The following TNR variants were observed in gnomAD, a reference collection of about 807,000 sequenced individuals.
TNR encodes tenascin-R.
Under a neutral mutation model 150.4 loss-of-function variants are expected in TNR, and 45 were observed. The observed-to-expected ratio is 0.30, with a 90% CI of 0.24 to 0.38. The LOEUF (loss-of-function observed/expected upper bound fraction) is 0.38, where lower values mean the gene tolerates loss of function less well. Among genes scored for constraint, TNR ranks in the 10% least tolerant of loss-of-function variants. The pLI, the probability that TNR is intolerant of heterozygous loss-of-function variation, is 1.00. For synonymous variants in TNR, 687 were observed against 678.4 expected (o/e 1.01, Z -0.20); for missense variants, 1,544 against 1,759.1 (o/e 0.88, Z 2.19).
At chr1:175,503,905 T>C (rs1439832019) in intron 2 of TNR, among the ~76,000 whole-genome samples, 2 of 152,162 alleles carry the variant, frequency 1.3e-5, no homozygotes, top group African/African-American at 4.8e-5. Flanking sequence ...CCAGGCCAAA[T>C]TGTGCCCGCA....
chr1:175,712,741 C>T (rs1667051854), intron 1 of TNR, among the ~76,000 whole-genome samples: 1 of 152,146 alleles, frequency 6.6e-6, no homozygotes, highest in Non-Finnish European at 1.5e-5. Context: ...AAAGTGCTTG[C>T]TCCCCCTTTG....
intron 1 of TNR, among the ~76,000 whole-genome samples, chr1:175,650,797 T>A (rs1258599089): frequency 2.7e-5 from 1 of 37,578 alleles, no homozygotes; most frequent in Non-Finnish European, 5.1e-5. Flanking sequence ...TCCTCCCCCA[T>A]CTCATTACTA....
chr1:175,616,104 G>C (rs577972016), intron 1 of TNR, among the ~76,000 whole-genome samples: 2 of 152,184 alleles, frequency 1.3e-5, no homozygotes, highest in Admixed American at 6.5e-5. Context: ...CAGGAGATGT[G>C]CCAGGGGCCA....
rs1238381479 is a variant in TNR at position 175,354,490 on chromosome 1, G to T, written c.3283C>A (p.Arg1095=). 6.2e-7 allele frequency: 1 copy of T among 1,614,090 alleles called. No individual in the cohort carries two copies. The highest frequency in any genetic ancestry group is 1.7e-5 in the Admixed American group (1 of 60,022). ...GTGTTCTCCAACAGGCCCTCCAGTC[G>T]AATCCAGGTGTCTTCTGCATCCACA... ...LIVDAEDTWI[R]LEGLLENTDY... Residue 1095 remains arginine (R), a synonymous_variant, in exon 18 of 23, where the codon CGA becomes AGA. Coordinates refer to ENST00000367674, the MANE Select transcript of TNR (RefSeq NM_003285.3).
chr1:175,710,581 C>T (rs1008410354), intron 1 of TNR, among the ~76,000 whole-genome samples: 2 of 152,096 alleles, frequency 1.3e-5, no homozygotes, highest in African/African-American at 4.8e-5. Flanking sequence ...CAGAGCCCTC[C>T]AGACAGCCCT....
chr1:175,360,666 T>C (rs907817283), intron 14 of TNR, among the ~76,000 whole-genome samples: 3 of 152,208 alleles, frequency 2.0e-5, no homozygotes, highest in African/African-American at 7.2e-5. Context: ...AGTATTTTTT[T>C]CACTTGCCTA....
intron 1 of TNR, among the ~76,000 whole-genome samples, chr1:175,661,890 C>T (rs1185635208): frequency 6.7e-6 from 1 of 149,590 alleles, no homozygotes; most frequent in East Asian, 2.0e-4. Flanking sequence ...CACAGCAGCT[C>T]TCCGGCCTTG....
At chr1:175,521,294 C>T (rs972899836) in intron 2 of TNR, among the ~76,000 whole-genome samples, 5 of 152,174 alleles carry the variant, frequency 3.3e-5, no homozygotes, top group Non-Finnish European at 7.3e-5. Context: ...TGTTGTGGAG[C>T]TTCTGAGGGT....
intron 20 of TNR, among the ~76,000 whole-genome samples, chr1:175,334,679 A>G (rs1337463978): frequency 1.3e-5 from 2 of 152,142 alleles, no homozygotes; most frequent in Non-Finnish European, 2.9e-5. Context: ...CCACACTCCT[A>G]TGATTTTATC....
In TNR at chr1:175,396,669, CGCT is replaced by C; in HGVS notation, c.1112_1114del (p.Gln371del). Reference sequence around the variant, plus strand: ...GACACCACTCCAATCTCCAGGCACCCGCTGCTGGAGCTGGAGGCCCCCCAGGGC... The same window carrying C: ...GACACCACTCCAATCTCCAGGCACCCGCTGGAGCTGGAGGCCCCCCAGGGC... On this transcript the variant is annotated inframe_deletion, in exon 5 of 23. Transcript: ENST00000367674. The C allele has an allele frequency of 6.2e-7, 1 of 1,614,218 alleles. No homozygotes were observed. The highest frequency in any genetic ancestry group is 1.1e-5 in the South Asian group (1 of 91,080).
At chr1:175,430,066 GATA>G (rs1260512969) in intron 2 of TNR, among the ~76,000 whole-genome samples, 2 of 149,590 alleles carry the variant, frequency 1.3e-5, no homozygotes, top group Non-Finnish European at 3.0e-5. Flanking sequence ...ATATAATATA[GATA>G]ATGATAACAT....
In TNR at chr1:175,355,571, A is replaced by G; in HGVS notation, c.3181T>C (p.Trp1061Arg). The change falls in exon 17 of 23, where the codon TGG (tryptophan) becomes CGG (arginine). Residue 1061 changes from tryptophan (W) to arginine (R), a missense_variant. By Grantham distance (101) the Trp-to-Arg change is moderately radical (BLOSUM62 -3). Transcript: ENST00000367674. ...TCAATCTCTGCCCTGGGAGGCTGCC[A>G]GGAGATCAGGGCACTTTGTCTGGTG... ...EVTRQSALISWQPPRAEIENY... is the reference protein window; with the variant it reads ...EVTRQSALISRQPPRAEIENY... 6.2e-7 allele frequency: 1 copy of G among 1,614,090 alleles called. No homozygotes were observed. Among genetic ancestry groups the G allele is most frequent in the Non-Finnish European group, 8.5e-7 (1 of 1,179,930 alleles).
At chr1:175,577,801 CTGCCCCAAA>C (rs2102225651) in intron 1 of TNR, among the ~76,000 whole-genome samples, 1 of 152,310 alleles carries the variant, frequency 6.6e-6, no homozygotes, top group South Asian at 2.1e-4. Flanking sequence ...GGGAAATCTA[CTGCCCCAAA>C]TGCTATATTC....
At chr1:175,577,165 A>G (rs1453284757) in intron 1 of TNR, among the ~76,000 whole-genome samples, 5 of 152,126 alleles carry the variant, frequency 3.3e-5, no homozygotes, top group African/African-American at 7.2e-5. Flanking sequence ...AGAGTCTTGA[A>G]TCTCAGGCTA....
intron 1 of TNR, among the ~76,000 whole-genome samples, chr1:175,688,415 G>A (rs945985762): frequency 1.3e-5 from 2 of 152,226 alleles, no homozygotes; most frequent in Admixed American, 6.5e-5. Context: ...GACTGCCCAG[G>A]AAATCTCTCT....
At chr1:175,534,199 G>T (rs1660182200) in intron 1 of TNR, among the ~76,000 whole-genome samples, 1 of 152,198 alleles carries the variant, frequency 6.6e-6, no homozygotes, top group South Asian at 2.1e-4. Context: ...GGACTCACAG[G>T]GTTGGGTGTC....
chr1:175,547,189 A>G (rs74127337), intron 1 of TNR, among the ~76,000 whole-genome samples: 8,431 of 152,250 alleles, frequency 0.055, 325 homozygotes, highest in African/African-American at 0.11. Flanking sequence ...ACCCAGGAGC[A>G]CCCGAGACAG....
intron 2 of TNR, among the ~76,000 whole-genome samples, chr1:175,490,734 A>G (rs1381307599): frequency 1.3e-5 from 2 of 152,158 alleles, no homozygotes; most frequent in African/African-American, 4.8e-5. Flanking sequence ...TGCTAGCAAG[A>G]TTGTGAAGAA....
intron 1 of TNR, among the ~76,000 whole-genome samples, chr1:175,581,123 G>T (rs2102228510): frequency 6.6e-6 from 1 of 152,304 alleles, no homozygotes; most frequent in Admixed American, 6.5e-5. Context: ...TTTCTGCATG[G>T]TGTTGTGGCT....
Sources: allele counts gnomAD v4.1 joint callset (sites outside exome capture counted in the v4.1 genomes callset), GRCh38; gene constraint gnomAD v4.1.1; transcripts MANE v1.5; gene names NCBI Gene and HGNC (gene_info 2026-07-23, HGNC 2026-07-21).